SCN9A: variants seen among roughly 807,000 people sequenced by gnomAD.
The protein encoded by SCN9A is sodium voltage-gated channel alpha subunit 9, also known as sodium channel protein type 9 subunit alpha.
In SCN9A, 131 loss-of-function variants were observed where a neutral mutation model predicts 187.0. The ratio of observed to expected loss-of-function variants is 0.70; its 90% CI spans 0.61 to 0.81. The LOEUF (loss-of-function observed/expected upper bound fraction) is 0.81. Ranked by LOEUF, SCN9A falls within the 30% of genes least tolerant of loss-of-function variation. The pLI, the probability that SCN9A is intolerant of heterozygous loss-of-function variation, is 0.00. For synonymous variants in SCN9A, 809 were observed against 808.6 expected (o/e 1.00, Z -0.01); for missense variants, 2,252 against 2,396.6 (o/e 0.94, Z 1.26).
intron 18 of SCN9A, 52 bp from the exon 19 acceptor site, chr2:166,242,708 T>C: frequency 7.3e-7 from 1 of 1,369,554 alleles, no homozygotes. Flanking sequence ...TAAATAAAAT[T>C]TTTAATACAT....
chr2:166,210,251 A>G (rs1694022073), intron 24 of SCN9A, among the ~76,000 whole-genome samples: 1 of 152,072 alleles, frequency 6.6e-6, no homozygotes, highest in Non-Finnish European at 1.5e-5. Flanking sequence ...GTGGGAATTG[A>G]ACAATGAGAA....
chr2:166,235,102 T>G (rs562717316), intron 20 of SCN9A, among the ~76,000 whole-genome samples: 7 of 152,270 alleles, frequency 4.6e-5, no homozygotes, highest in African/African-American at 1.4e-4. Context: ...TCCAGAACTT[T>G]AAGAAATAAA....
chr2:166,201,937 C>T (rs926596786), intron 26 of SCN9A, among the ~76,000 whole-genome samples: 6 of 151,382 alleles, frequency 4.0e-5, no homozygotes, highest in African/African-American at 1.2e-4. Flanking sequence ...CACAATTTTC[C>T]TTGTGTTTTG....
In SCN9A at chr2:166,272,740, G is replaced by C. The variant is rs777726602; in HGVS notation, c.3010C>G (p.Gln1004Glu). ...TTTAGAATAAATTCACGTAAGGTTTGTTTCACATAATTTATTCCCTTTTTA... is the reference window on the plus strand; with the variant it reads ...TTTAGAATAAATTCACGTAAGGTTTCTTTCACATAATTTATTCCCTTTTTA... Reference protein sequence around the residue: ...RIKKGINYVKQTLREFILKAF... With the variant: ...RIKKGINYVKETLREFILKAF... The change falls in exon 17 of 27, where the codon CAA (glutamine) becomes GAA (glutamate). Residue 1004 changes from glutamine to glutamate, a missense_variant. Physicochemically the swap from Gln to Glu is conservative, Grantham distance 29. Around this residue, in one of 7 missense-constraint regions of SCN9A, gnomAD observed 313 missense variants for 295.3 expected, o/e 1.06. Coordinates refer to ENST00000642356, the MANE Select transcript of SCN9A (RefSeq NM_001365536.1). The C allele has an allele frequency of 6.4e-7, 1 of 1,570,714 alleles. No individual in the cohort carries two copies. Among genetic ancestry groups the C allele is most frequent in the East Asian group, 2.3e-5 (1 of 44,342 alleles).
chr2:166,294,988 A>C (rs978083665), intron 7 of SCN9A, among the ~76,000 whole-genome samples: 1 of 152,216 alleles, frequency 6.6e-6, no homozygotes, highest in African/African-American at 2.4e-5. Context: ...ATATTTTCAG[A>C]TAGTGATAAA....
chr2:166,258,681 T>C (rs1290695950), intron 17 of SCN9A, among the ~76,000 whole-genome samples: 11 of 151,674 alleles, frequency 7.3e-5, no homozygotes. Context: ...GAGTCTCAAT[T>C]TGCTTATCCA....
chr2:166,348,846 C>T (rs933983206), intron 1 of SCN9A, among the ~76,000 whole-genome samples: 4 of 152,112 alleles, frequency 2.6e-5, no homozygotes, highest in Non-Finnish European at 4.4e-5. Context: ...AAAGTAGTGG[C>T]CGGGTGCAGT....
intron 21 of SCN9A, among the ~76,000 whole-genome samples, chr2:166,230,851 A>G (rs961340435): frequency 6.6e-6 from 1 of 152,134 alleles, no homozygotes; most frequent in Non-Finnish European, 1.5e-5. Flanking sequence ...TGATGGAATC[A>G]TGGGTCTCTG....
chr2:166,322,411 A>G (rs1427998283), intron 1 of SCN9A, among the ~76,000 whole-genome samples: 1 of 152,124 alleles, frequency 6.6e-6, no homozygotes, highest in Non-Finnish European at 1.5e-5. Context: ...TTTGTGCTCC[A>G]CATTTTAGAG....
chr2:166,238,891 C>G (rs1019659280), intron 19 of SCN9A, among the ~76,000 whole-genome samples: 1 of 152,194 alleles, frequency 6.6e-6, no homozygotes, highest in Non-Finnish European at 1.5e-5. Context: ...TCTATTCTCT[C>G]CATTAATGCG....
At chr2:166,226,378 T>C (rs939858183) in intron 24 of SCN9A, among the ~76,000 whole-genome samples, 189 bp downstream of exon 24, 11 of 152,098 alleles carry the variant, frequency 7.2e-5, no homozygotes, top group Admixed American at 4.6e-4. Flanking sequence ...ATTTAGAAAA[T>C]TGTTTTCTGT....
chr2:166,309,473 A>T (rs1698870904), intron 2 of SCN9A, among the ~76,000 whole-genome samples: 1 of 152,212 alleles, frequency 6.6e-6, no homozygotes, highest in African/African-American at 2.4e-5. Context: ...ATACTATGTT[A>T]TACTAAACAT....
chr2:166,207,038 AG>A (rs1693840411), intron 24 of SCN9A, among the ~76,000 whole-genome samples: 1 of 152,170 alleles, frequency 6.6e-6, no homozygotes, highest in Non-Finnish European at 1.5e-5. Flanking sequence ...AATCTTACAA[AG>A]GGGGGCTAGA....
intron 2 of SCN9A, 99 bp from the exon 3 acceptor site, chr2:166,307,173 G>A (rs943149017): frequency 9.2e-6 from 6 of 652,432 alleles, no homozygotes; most frequent in Non-Finnish European, 1.6e-5. Flanking sequence ...GTGTTATATT[G>A]AAGAAACACT....
chr2:166,263,856 T>C (rs1696618423), intron 17 of SCN9A, among the ~76,000 whole-genome samples: 1 of 151,944 alleles, frequency 6.6e-6, no homozygotes. Flanking sequence ...GCTGCAAGGA[T>C]TGCCAACAAC....
intron 22 of SCN9A, among the ~76,000 whole-genome samples, chr2:166,228,071 A>G (rs1278628094): frequency 3.3e-5 from 5 of 152,022 alleles, no homozygotes; most frequent in African/African-American, 9.7e-5. Flanking sequence ...AGTTCCTCTC[A>G]TCCCTTCATA....
At position 166,278,796 on chromosome 2, in the gene SCN9A, T is replaced by C. The variant is rs76609789; in HGVS notation, c.2344-483A>G. ...TTATCAGCAGAAGAGAAAAAAGTATTTAATTGACAATGTGGCAGCTAAAGT... is the reference window on the plus strand; with the variant it reads ...TTATCAGCAGAAGAGAAAAAAGTATCTAATTGACAATGTGGCAGCTAAAGT... On this transcript the variant is annotated intron_variant, in intron 14 of 26. Transcript: ENST00000642356. Among the ~76,000 whole-genome samples, 1,155 of 152,288 alleles carry C rather than the reference T, an allele frequency of 7.6e-3. 9 individuals are homozygous for C. The highest frequency in any genetic ancestry group is 0.012 in the Non-Finnish European group (791 of 68,036).
intron 1 of SCN9A, among the ~76,000 whole-genome samples, chr2:166,317,168 AC>A (rs1699129810): frequency 6.6e-6 from 1 of 151,804 alleles, no homozygotes; most frequent in Admixed American, 6.6e-5. Context: ...TTTATACTTT[AC>A]TTTTCAAATT....
intron 10 of SCN9A, among the ~76,000 whole-genome samples, chr2:166,287,104 C>T (rs1697799173): frequency 6.6e-6 from 1 of 151,964 alleles, no homozygotes; most frequent in African/African-American, 2.4e-5. Flanking sequence ...TGACTATTGG[C>T]CTAAATGAAA....
Sources: allele counts gnomAD v4.1 joint callset (sites outside exome capture counted in the v4.1 genomes callset), GRCh38; gene constraint gnomAD v4.1.1; regional missense constraint gnomAD v4.1.1; transcripts MANE v1.5; gene names NCBI Gene and HGNC (gene_info 2026-07-23, HGNC 2026-07-21).